The following TOP1MT variants were observed in gnomAD, a reference collection of about 807,000 sequenced individuals.
TOP1MT encodes the protein DNA topoisomerase I, mitochondrial.
TOP1MT carries 80 observed loss-of-function variants against 73.9 expected under a neutral mutation model. That is an observed-to-expected ratio of 1.08 (90% CI 0.90 to 1.30). The LOEUF is 1.30. TOP1MT is among the 50% of genes most tolerant of loss of function. The pLI is 0.00. For missense variants in TOP1MT, 815 were observed against 808.0 expected, an observed-to-expected ratio of 1.01 and a Z score of -0.10; for synonymous variants, 338 against 326.4, an observed-to-expected ratio of 1.04 and a Z score of -0.38.
chr8:143,323,589 CCACA>C (rs766368835), intron 7 of TOP1MT, among the ~76,000 whole-genome samples: 2 of 49,242 alleles, frequency 4.1e-5, no homozygotes, highest in East Asian at 2.1e-3. Context: ...CACAGGCACG[CCACA>C]CACACACGCA....
intron 12 of TOP1MT, 24 bp from the exon 13 acceptor site, chr8:143,310,241 G>A (rs1361355902): frequency 3.0e-5 from 45 of 1,484,176 alleles, no homozygotes; most frequent in African/African-American, 8.4e-5. Flanking sequence ...AGGAGGCCGC[G>A]AGGCCCCGCG....
chr8:143,323,597 A>ACG (rs1393476167), intron 7 of TOP1MT, among the ~76,000 whole-genome samples: 2 of 99,958 alleles, frequency 2.0e-5, no homozygotes, highest in African/African-American at 6.7e-5. Context: ...CGCCACACAC[A>ACG]CACGCACGCC....
chr8:143,322,351 ACACG>A (rs1428608953), intron 7 of TOP1MT, among the ~76,000 whole-genome samples: 3 of 109,612 alleles, frequency 2.7e-5, no homozygotes, highest in African/African-American at 1.1e-4. Flanking sequence ...GGCACGCCAC[ACACG>A]CACGCCACAC....
At chr8:143,323,181 C>T (rs1359772543) in intron 7 of TOP1MT, among the ~76,000 whole-genome samples, 20 of 125,772 alleles carry the variant, frequency 1.6e-4, no homozygotes, top group Admixed American at 9.6e-4. Flanking sequence ...CACACAGGCA[C>T]GCCACACACG....
At chr8:143,354,048 T>C (rs971050303) in intron 1 of TOP1MT, among the ~76,000 whole-genome samples, 1 of 149,318 alleles carries the variant, frequency 6.7e-6, no homozygotes, top group Non-Finnish European at 1.5e-5. Context: ...GAAATTCCAC[T>C]TCTAGCTACA....
chr8:143,311,959 T>C (rs1816025980), intron 12 of TOP1MT, among the ~76,000 whole-genome samples: 1 of 152,172 alleles, frequency 6.6e-6, no homozygotes, highest in Non-Finnish European at 1.5e-5. Flanking sequence ...CTATAACAAG[T>C]GATTATATCA....
At chr8:143,351,800 T>G (rs1817325018) in intron 1 of TOP1MT, among the ~76,000 whole-genome samples, 1 of 152,046 alleles carries the variant, frequency 6.6e-6, no homozygotes, top group African/African-American at 2.4e-5. Context: ...ACAGCAATAC[T>G]CGGCCAGGTG....
Position 143,353,284 on chromosome 8 carries a change from C to T in TOP1MT, c.-39+2681G>A, listed in dbSNP as rs570036337. Among the ~76,000 whole-genome samples, 12 of 152,152 alleles carry T rather than the reference C, an allele frequency of 7.9e-5. No individual in the cohort carries two copies. In the East Asian group the frequency reaches 1.4e-3, roughly 17 times the overall value. On this transcript the variant is annotated intron_variant, in intron 1 of 5. Coordinates refer to the TOP1MT transcript ENST00000518760. ...TTAAAAAATTAGCTGGGCGTGGTGACGCACACCTGTATTCCCAGCTACTCA... is the reference window on the plus strand; with the variant it reads ...TTAAAAAATTAGCTGGGCGTGGTGATGCACACCTGTATTCCCAGCTACTCA...
chr8:143,328,554 C>G (rs74356698), intron 3 of TOP1MT, among the ~76,000 whole-genome samples: 1 of 152,204 alleles, frequency 6.6e-6, no homozygotes, highest in Admixed American at 6.5e-5. Context: ...GACAGTTCAG[C>G]CTGGTGTTGC....
At chr8:143,328,386 A>G (rs904108005) in intron 3 of TOP1MT, 15 of 420,118 alleles carry the variant, frequency 3.6e-5, no homozygotes, top group African/African-American at 2.9e-4. Context: ...AGTTTTTTAA[A>G]TAGACAAAAG....
At chr8:143,355,944 G>A (rs1397818406) in intron 1 of TOP1MT, 1 of 152,234 alleles carries the variant, frequency 6.6e-6, no homozygotes, top group Non-Finnish European at 1.5e-5. Flanking sequence ...TTAGAAGAGG[G>A]ATAAAGGGAA....
chr8:143,325,196 C>T (rs1017072380), intron 5 of TOP1MT, 150 bp downstream of exon 5: 9 of 758,020 alleles, frequency 1.2e-5, no homozygotes, highest in East Asian at 2.8e-5. Context: ...TGCCCGGCCA[C>T]GCCTACAGGC....
intron 7 of TOP1MT, among the ~76,000 whole-genome samples, chr8:143,323,058 AC>A (rs1563760733): frequency 7.9e-6 from 1 of 126,632 alleles, no homozygotes; most frequent in Non-Finnish European, 1.6e-5. Flanking sequence ...CACGCCACAC[AC>A]AGGCACACCA....
At chr8:143,349,766 G>A (rs1817290529), upstream of TOP1MT, among the ~76,000 whole-genome samples, 1 of 151,494 alleles carries the variant, frequency 6.6e-6, no homozygotes, top group Non-Finnish European at 1.5e-5. Context: ...TCAGCCTCCC[G>A]AGTAGCTGGA....
intron 1 of TOP1MT, among the ~76,000 whole-genome samples, chr8:143,332,220 A>C (rs1463501638): frequency 2.0e-5 from 3 of 152,220 alleles, no homozygotes; most frequent in Non-Finnish European, 1.5e-5. Context: ...AACCCATACG[A>C]AGGGCTCAAC....
At chr8:143,345,138 T>C (rs1179468636), upstream of TOP1MT, among the ~76,000 whole-genome samples, 1 of 152,166 alleles carries the variant, frequency 6.6e-6, no homozygotes, top group Non-Finnish European at 1.5e-5. Flanking sequence ...TAAAAGAGTA[T>C]GCATGGGAGA....
At chr8:143,310,356 A>C in intron 12 of TOP1MT, 139 bp from the exon 13 acceptor site, 2 of 639,308 alleles carry the variant, frequency 3.1e-6, no homozygotes, top group Non-Finnish European at 5.0e-6. Context: ...CATCACAGCA[A>C]AAGACCAGCC....
At chr8:143,321,756 A>C (rs866186437) in intron 7 of TOP1MT, among the ~76,000 whole-genome samples, 100 of 26,562 alleles carry the variant, frequency 3.8e-3, no homozygotes, top group Non-Finnish European at 4.0e-3. Flanking sequence ...GCACGCCACA[A>C]ACACAGGCAC....
chr8:143,319,469 T>G (rs1816269021), intron 8 of TOP1MT, among the ~76,000 whole-genome samples: 1 of 151,640 alleles, frequency 6.6e-6, no homozygotes, highest in South Asian at 2.1e-4. Context: ...TGAGTCACAT[T>G]TGTGCTTTTG....
Sources: gnomAD v4.1 joint callset for allele counts (sites outside exome capture counted in the v4.1 genomes callset) on GRCh38, gnomAD v4.1.1 for gene constraint, MANE v1.5 for transcripts, NCBI Gene and HGNC (gene_info 2026-07-23, HGNC 2026-07-21) for gene names.